UTS2R: variants seen among roughly 807,000 people sequenced by gnomAD.
The protein encoded by UTS2R is urotensin-2 receptor.
For synonymous variants in UTS2R, 335 were observed against 280.9 expected (o/e 1.19, Z -1.93); for missense variants, 653 against 562.2 (o/e 1.16, Z -1.63).
rs1206034408 is a variant in UTS2R at position 82,374,717 on chromosome 17, C to T, written c.393C>T (p.Phe131=). ...VGCRVLFGLD[F]LTMHASIFTL... is the part of the protein sequence containing the mutation. ...GCCGCGTGCTCTTCGGCCTGGACTTCCTGACCATGCACGCCAGCATCTTCA... is the reference window on the plus strand; with the variant it reads ...GCCGCGTGCTCTTCGGCCTGGACTTTCTGACCATGCACGCCAGCATCTTCA... Residue 131 remains phenylalanine, a synonymous_variant, in exon 3 of 3, where the codon TTC becomes TTT. Coordinates refer to ENST00000313135, the MANE Select transcript of UTS2R (RefSeq NM_018949.3). 3 of 1,612,942 alleles carry T rather than the reference C, an allele frequency of 1.9e-6. No individual in the cohort carries two copies. The highest frequency in any genetic ancestry group is 3.3e-4 in the Middle Eastern group (2 of 6,062).
chr17:82,374,069 G>A (rs1366553483), intron 2 of UTS2R, among the ~76,000 whole-genome samples, 174 bp from the exon 3 acceptor site: 1 of 152,074 alleles, frequency 6.6e-6, no homozygotes, highest in African/African-American at 2.4e-5. Flanking sequence ...TCGGGGAGGG[G>A]GGTTGGGGCA....
rs1418662981 is a variant in UTS2R, at chr17:82,376,359, GGC to G, written c.*867_*868del. Reference sequence around the variant, plus strand: ...CAGCTTGGCCAACCATCCTCTCTCTGGCGACTGCCCCCCTCCAGCCCCCAGCC... The same window carrying G: ...CAGCTTGGCCAACCATCCTCTCTCTGGACTGCCCCCCTCCAGCCCCCAGCC... On this transcript the variant is annotated 3_prime_UTR_variant, in exon 3 of 3. Transcript: ENST00000313135. 6.6e-6 allele frequency among the ~76,000 whole-genome samples: 1 copy of G among 152,138 alleles called. No homozygotes were observed.
rs1315093619 is a variant in UTS2R at position 82,375,139 on chromosome 17, T to A, written c.815T>A (p.Leu272Gln). 3 of 1,534,286 alleles carry A rather than the reference T, an allele frequency of 2.0e-6. No homozygotes were observed. In the South Asian group the frequency reaches 3.6e-5, roughly 19 times the overall value. ...GTGCTGCTCTTCTGGGCCTGCTTCC[T>A]GCCCTTCTGGCTGTGGCAGCTGCTC... is the stretch of plus-strand genomic sequence containing the variant. Reference protein sequence around the residue: ...GIVLLFWACFLPFWLWQLLAQ... With the variant: ...GIVLLFWACFQPFWLWQLLAQ... Residue 272 changes from leucine to glutamine, a missense_variant, in exon 3 of 3, where the codon CTG becomes CAG. Coordinates refer to ENST00000313135, the MANE Select transcript of UTS2R (RefSeq NM_018949.3).
At position 82,375,025 on chromosome 17, in the gene UTS2R, TG is replaced by T. The variant is rs1480971697; in HGVS notation, c.703del (p.Ala235ProfsTer65). On this transcript the variant is annotated frameshift_variant, in exon 3 of 3. Coordinates refer to ENST00000313135, the MANE Select transcript of UTS2R (RefSeq NM_018949.3). LOFTEE classifies it low-confidence loss of function (END_TRUNC). The part of the protein sequence containing the change: ...GLLIGLLYAR[L>X]ARAYRRSQRA... ...CTCATCGGGCTGCTCTACGCGCGCC[TG>T]GCCCGCGCCTACCGCCGCTCGCAGC... 7.3e-7 allele frequency: 1 copy of T among 1,377,526 alleles called. No individual in the cohort carries two copies. The highest frequency in any genetic ancestry group is 9.6e-7 in the Non-Finnish European group (1 of 1,037,000). The allele number at this position is 1,377,526 out of a possible 1,614,324, so 85.3% of individuals were successfully genotyped here.
rs1414920889 is a variant in UTS2R, at chr17:82,374,131, G to A, written c.-82-112G>A. On this transcript the variant is annotated intron_variant, in intron 2 of 2. Transcript: ENST00000313135. The stretch of plus-strand genomic sequence containing the variant: ...CTGCAGAGCTGGTGGCTTCCAGAGA[G>A]TCCCGAGAGTTGGAGGGCACTGGGG... 1.3e-4 allele frequency: 77 copies of A among 581,068 alleles called. 1 individual carries two copies. The Admixed American group carries it at 1.7e-3, about 13-fold the overall frequency. The allele number at this position is 581,068 out of a possible 1,614,324, so 36.0% of individuals were successfully genotyped here.
Position 82,376,072 on chromosome 17 carries a change from G to A in UTS2R, c.*578G>A, listed in dbSNP as rs998928648. 3.3e-5 allele frequency among the ~76,000 whole-genome samples: 5 copies of A among 152,158 alleles called. No homozygotes were observed. The highest frequency in any genetic ancestry group is 1.2e-4 in the African/African-American group (5 of 41,432). The stretch of plus-strand genomic sequence containing the variant: ...GCGGCTGGTCTGGCACCTGATGTGG[G>A]GCAGGGAAGGTGGCCAGGAGGGGAG... On this transcript the variant is annotated 3_prime_UTR_variant, in exon 3 of 3. Coordinates refer to ENST00000313135, the MANE Select transcript of UTS2R (RefSeq NM_018949.3).
In UTS2R at chr17:82,374,396, G is replaced by T; in HGVS notation, c.72G>T (p.Pro24=). The T allele has an allele frequency of 6.3e-7, 1 of 1,591,760 alleles. No homozygotes were observed. The highest frequency in any genetic ancestry group is 1.3e-5 in the African/African-American group (1 of 74,746). ...CCACTGGCAGCTCTGTGCCGGAGCCGCCTGGCGGCCCCAACGCAACCCTCA... is the reference window on the plus strand; with the variant it reads ...CCACTGGCAGCTCTGTGCCGGAGCCTCCTGGCGGCCCCAACGCAACCCTCA... The part of the protein sequence containing the change: ...LAATGSSVPE[P]PGGPNATLNS... The change falls in exon 3 of 3, where the codon CCG becomes CCT. Residue 24 remains proline (P), a synonymous_variant. Transcript: ENST00000313135.
chr17:82,374,714 C>T lies in UTS2R; in HGVS notation c.390C>T (p.Asp130=), dbSNP rs1007514481. The change falls in exon 3 of 3, where the codon GAC becomes GAT. Residue 130 remains aspartate (D), a synonymous_variant. Coordinates refer to ENST00000313135, the MANE Select transcript of UTS2R (RefSeq NM_018949.3). ...GCTGCCGCGTGCTCTTCGGCCTGGACTTCCTGACCATGCACGCCAGCATCT... is the reference window on the plus strand; with the variant it reads ...GCTGCCGCGTGCTCTTCGGCCTGGATTTCCTGACCATGCACGCCAGCATCT... ...DVGCRVLFGL[D]FLTMHASIFT... is the part of the protein sequence containing the mutation. 3.1e-6 allele frequency: 5 copies of T among 1,612,916 alleles called. No homozygotes were observed. The highest frequency in any genetic ancestry group is 3.3e-5 in the Admixed American group (2 of 60,004).
intron 2 of UTS2R, among the ~76,000 whole-genome samples, chr17:82,373,065 GTC>G (rs1005023497): frequency 4.6e-5 from 7 of 152,260 alleles, no homozygotes; most frequent in Non-Finnish European, 8.8e-5. Context: ...CACGGTTTTG[GTC>G]TCTTTTTTTC....
intron 2 of UTS2R, among the ~76,000 whole-genome samples, chr17:82,373,489 G>T (rs2052464114): frequency 6.6e-6 from 1 of 152,186 alleles, no homozygotes; most frequent in South Asian, 2.1e-4. Flanking sequence ...TGATCTCCTA[G>T]CCTGTGGCTT....
At position 82,375,072 on chromosome 17, in the gene UTS2R, C is replaced by G. The variant is rs1366479686; in HGVS notation, c.748C>G (p.Arg250Gly). 1 of 1,408,520 alleles carries G rather than the reference C, an allele frequency of 7.1e-7. No individual in the cohort carries two copies. The highest frequency in any genetic ancestry group is 9.2e-7 in the Non-Finnish European group (1 of 1,089,492). 87.3% of individuals were successfully genotyped at this position (1,408,520 alleles called of 1,614,324 possible). Residue 250 changes from arginine (R) to glycine (G), a missense_variant, in exon 3 of 3, where the codon CGG becomes GGG. Physicochemically the swap from Arg to Gly is moderately radical, Grantham distance 125 (BLOSUM62 -2). Coordinates refer to ENST00000313135, the MANE Select transcript of UTS2R (RefSeq NM_018949.3). ...GCAGCGCGCCTCCTTCAAGCGGGCC[C>G]GGCGGCCGGGGGCGCGCGCGCTGCG... ...RSQRASFKRA[R>G]RPGARALRLV... is the part of the protein sequence containing the mutation.
rs972689441 is a variant in UTS2R, at chr17:82,375,070, C to G, written c.746C>G (p.Ala249Gly). 5.7e-6 allele frequency: 8 copies of G among 1,408,620 alleles called. No homozygotes were observed. Among genetic ancestry groups the G allele is most frequent in the African/African-American group, 1.5e-5 (1 of 66,302 alleles). 87.3% of individuals were successfully genotyped at this position (1,408,620 alleles called of 1,614,324 possible). A position where few individuals can be genotyped will look rare whatever the true frequency, so the allele number is the denominator to read the frequency against. The change falls in exon 3 of 3, where the codon GCC (alanine) becomes GGC (glycine). Residue 249 changes from alanine to glycine, a missense_variant. Transcript: ENST00000313135. ...TCGCAGCGCGCCTCCTTCAAGCGGG[C>G]CCGGCGGCCGGGGGCGCGCGCGCTG... ...RRSQRASFKR[A>G]RRPGARALRL...
chr17:82,376,839 G>A lies in UTS2R; in HGVS notation c.*1345G>A, dbSNP rs1382465978. Among the ~76,000 whole-genome samples, 2 of 152,126 alleles carry A rather than the reference G, an allele frequency of 1.3e-5. No homozygotes were observed. Among genetic ancestry groups the A allele is most frequent in the African/African-American group, 2.4e-5 (1 of 41,408 alleles). On this transcript the variant is annotated 3_prime_UTR_variant, in exon 3 of 3. Transcript: ENST00000313135. The stretch of plus-strand genomic sequence containing the variant: ...GTCAGCCGCCCCGTCTGGGAGGGAG[G>A]TGGGGGGGTCAGCCCCCCGCCCGGC...
At chr17:82,372,248 G>GCGGCC (rs1367673704) in intron 1 of UTS2R, among the ~76,000 whole-genome samples, 2 of 152,138 alleles carry the variant, frequency 1.3e-5, no homozygotes, top group African/African-American at 2.4e-5. Flanking sequence ...AGCAATCCTA[G>GCGGCC]CGGCCCGGCG....
At chr17:82,374,045 G>A (rs576938248) in intron 2 of UTS2R, among the ~76,000 whole-genome samples, 198 bp from the exon 3 acceptor site, 2 of 151,690 alleles carry the variant, frequency 1.3e-5, no homozygotes, top group Non-Finnish European at 3.0e-5. Flanking sequence ...GGGTCCTGCT[G>A]GGGCATGCGG....
chr17:82,372,398 C>T (rs1241439042), intron 1 of UTS2R, among the ~76,000 whole-genome samples, 200 bp from the exon 2 acceptor site: 1 of 152,162 alleles, frequency 6.6e-6, no homozygotes, highest in Admixed American at 6.5e-5. Flanking sequence ...GTCCCCTGGA[C>T]AGATGGAGCT....
rs760796306 is a variant in UTS2R at position 82,374,605 on chromosome 17, C to T, written c.281C>T (p.Ala94Val). Residue 94 changes from alanine (A) to valine (V), a missense_variant, in exon 3 of 3, where the codon GCG becomes GTG. Physicochemically the swap from Ala to Val is moderately conservative, Grantham distance 64. Transcript: ENST00000313135. ...ASMYVYVVNL[A>V]LADLLYLLSI... Reference sequence around the variant, plus strand: ...ATGTACGTCTACGTGGTCAACCTGGCGCTGGCCGACCTGCTGTACCTGCTC... The same window carrying T: ...ATGTACGTCTACGTGGTCAACCTGGTGCTGGCCGACCTGCTGTACCTGCTC... 5.6e-6 allele frequency: 9 copies of T among 1,609,368 alleles called. No homozygotes were observed. The highest frequency in any genetic ancestry group is 2.7e-5 in the African/African-American group (2 of 75,000).
rs557787317 is a variant in UTS2R, at chr17:82,375,637, G to A, written c.*143G>A. On this transcript the variant is annotated 3_prime_UTR_variant, in exon 3 of 3. Coordinates refer to ENST00000313135, the MANE Select transcript of UTS2R (RefSeq NM_018949.3). Reference sequence around the variant, plus strand: ...AAGATCCTGCTCGCTTCCCCTCAGCGCCCTTCCCGTGATGCCCAGAAGCGC... The same window carrying A: ...AAGATCCTGCTCGCTTCCCCTCAGCACCCTTCCCGTGATGCCCAGAAGCGC... The A allele has an allele frequency of 4.1e-6, 2 of 491,982 alleles. No homozygotes were observed. The highest frequency in any genetic ancestry group is 7.1e-6 in the Non-Finnish European group (2 of 283,002). 30.5% of individuals were successfully genotyped at this position (491,982 alleles called of 1,614,324 possible).
chr17:82,375,430 G>A lies in UTS2R; in HGVS notation c.1106G>A (p.Ser369Asn). ...LSSCSPQPTD[S>N]LVLAPAAPAR... ...TCCTGCAGCCCACAGCCCACTGACAGCCTCGTGCTGGCCCCAGCGGCCCCG... is the reference window on the plus strand; with the variant it reads ...TCCTGCAGCCCACAGCCCACTGACAACCTCGTGCTGGCCCCAGCGGCCCCG... Residue 369 changes from serine to asparagine, a missense_variant, in exon 3 of 3, where the codon AGC (serine) becomes AAC (asparagine). Coordinates refer to ENST00000313135, the MANE Select transcript of UTS2R (RefSeq NM_018949.3). 2 of 1,567,144 alleles carry A rather than the reference G, an allele frequency of 1.3e-6. No homozygotes were observed. The highest frequency in any genetic ancestry group is 1.8e-4 in the Middle Eastern group (1 of 5,632).
Sources: allele counts gnomAD v4.1 joint callset (sites outside exome capture counted in the v4.1 genomes callset), GRCh38; gene constraint gnomAD v4.1.1; transcripts MANE v1.5; gene names NCBI Gene and HGNC (gene_info 2026-07-23, HGNC 2026-07-21).